Variants in GALNT16 observed in about 807,000 individuals in gnomAD.
The protein encoded by GALNT16 is UDP-GalNAc:polypeptide N-acetylgalactosaminyltransferase-like protein 1.
In GALNT16, 40 loss-of-function variants were observed where a neutral mutation model predicts 76.1. The observed-to-expected ratio is 0.53, with a 90% CI of 0.41 to 0.68. The LOEUF (loss-of-function observed/expected upper bound fraction) is 0.68. GALNT16 is among the 30% of genes least tolerant of loss of function. The probability of loss-of-function intolerance (pLI) is 0.00; values close to 1 mark genes in which losing one functional copy is unlikely to be tolerated. For synonymous variants in GALNT16, 276 were observed against 285.2 expected, an observed-to-expected ratio of 0.97 and a Z score of 0.32; for missense variants, 621 against 731.9, an observed-to-expected ratio of 0.85 and a Z score of 1.75.
At chr14:69,275,856 G>A (rs1406858926) in intron 1 of GALNT16, among the ~76,000 whole-genome samples, 1 of 152,162 alleles carries the variant, frequency 6.6e-6, no homozygotes, top group African/African-American at 2.4e-5. Context: ...AGTGAGACAT[G>A]TATTAGTCCG....
the GALNT16 span, among the ~76,000 whole-genome samples, chr14:69,370,862 A>G: frequency 6.6e-6 from 1 of 152,206 alleles, no homozygotes; most frequent in Admixed American, 6.5e-5. Flanking sequence ...TCCATCTCCA[A>G]CAGGAACAGT....
intron 4 of GALNT16, 36 bp from the exon 5 acceptor site, chr14:69,325,926 G>T (rs2045277357): frequency 6.4e-7 from 1 of 1,569,856 alleles, no homozygotes; most frequent in Non-Finnish European, 8.8e-7. Flanking sequence ...TGATGCCCAT[G>T]TCTAAATGAG....
chr14:69,320,045 A>C (rs1247636415), intron 1 of GALNT16, among the ~76,000 whole-genome samples: 1 of 152,174 alleles, frequency 6.6e-6, no homozygotes, highest in Non-Finnish European at 1.5e-5. Context: ...TAGTCCCCTC[A>C]GGACACCTTG....
downstream of GALNT16, chr14:69,357,498 C>G (rs1414508788): frequency 6.6e-6 from 1 of 152,304 alleles, no homozygotes; most frequent in African/African-American, 2.4e-5. Context: ...CCCCAACAGA[C>G]ACAGCCTGTG....
chr14:69,304,846 A>G (rs2044908554), intron 1 of GALNT16, among the ~76,000 whole-genome samples: 1 of 152,188 alleles, frequency 6.6e-6, no homozygotes, highest in Admixed American at 6.5e-5. Context: ...TGCATCTACC[A>G]CATTTTCTTT....
intron 11 of GALNT16, among the ~76,000 whole-genome samples, chr14:69,340,983 A>T (rs930607716): frequency 1.3e-5 from 2 of 152,216 alleles, no homozygotes; most frequent in African/African-American, 4.8e-5. Context: ...CTATTTATTC[A>T]TATCTATCTC....
At chr14:69,338,587 C>T in intron 9 of GALNT16, 64 bp from the exon 10 acceptor site, 1 of 1,590,304 alleles carries the variant, frequency 6.3e-7, no homozygotes, top group Admixed American at 1.7e-5. Flanking sequence ...GGGAAGCCAG[C>T]CCCTTCCCAC....
chr14:69,286,542 A>C (rs2044614761), intron 1 of GALNT16, among the ~76,000 whole-genome samples: 1 of 152,084 alleles, frequency 6.6e-6, no homozygotes, highest in African/African-American at 2.4e-5. Context: ...GACCTCAGGC[A>C]ATCTGCCTGC....
At position 69,328,505 on chromosome 14, in the gene GALNT16, C is replaced by G; in HGVS notation, c.624C>G (p.Thr208=). 1 of 1,613,968 alleles carries G rather than the reference C, an allele frequency of 6.2e-7. No individual in the cohort carries two copies. The highest frequency in any genetic ancestry group is 8.5e-7 in the Non-Finnish European group (1 of 1,179,940). ...GADVAAATVL[T]FLDSHCEVNT... ...ACGTGGCTGCAGCTACCGTTCTCACCTTTCTGGATAGCCACTGCGAAGTGA... is the reference window on the plus strand; with the variant it reads ...ACGTGGCTGCAGCTACCGTTCTCACGTTTCTGGATAGCCACTGCGAAGTGA... Residue 208 remains threonine (T), a synonymous_variant, in exon 6 of 15, where the codon ACC becomes ACG. Transcript: ENST00000448469.
At chr14:69,346,788 C>T (rs531764733) in intron 12 of GALNT16, among the ~76,000 whole-genome samples, 1 of 152,312 alleles carries the variant, frequency 6.6e-6, no homozygotes, top group Admixed American at 6.5e-5. Context: ...GCTCCCCCAT[C>T]CTCTATGTCT....
At chr14:69,297,468 T>C (rs1468064055) in intron 1 of GALNT16, among the ~76,000 whole-genome samples, 1 of 152,228 alleles carries the variant, frequency 6.6e-6, no homozygotes, top group Non-Finnish European at 1.5e-5. Context: ...TTAAGGTTTT[T>C]AAAAATAACA....
intron 1 of GALNT16, among the ~76,000 whole-genome samples, chr14:69,304,592 T>A (rs2044904874): frequency 6.6e-6 from 1 of 152,178 alleles, no homozygotes. Context: ...TCACACCTGT[T>A]GATTAGTAAT....
At chr14:69,345,722 G>C (rs932219598) in intron 12 of GALNT16, among the ~76,000 whole-genome samples, 1 of 151,744 alleles carries the variant, frequency 6.6e-6, no homozygotes, top group African/African-American at 2.4e-5. Flanking sequence ...GTGTGTGTGT[G>C]TGTGTGTGTG....
chr14:69,310,718 T>A (rs2045006104), intron 1 of GALNT16, among the ~76,000 whole-genome samples: 2 of 152,202 alleles, frequency 1.3e-5, no homozygotes, highest in Admixed American at 1.3e-4. Context: ...ACTGCCTTTA[T>A]GGCATCCCAG....
intron 11 of GALNT16, among the ~76,000 whole-genome samples, chr14:69,340,806 T>C (rs1566887621): frequency 6.6e-6 from 1 of 152,146 alleles, no homozygotes; most frequent in Admixed American, 6.5e-5. Flanking sequence ...TCCTAAGTAT[T>C]TTTGATCCAA....
Position 69,331,446 on chromosome 14 carries a change from C to T in GALNT16, c.691-18C>T. 6.8e-7 allele frequency: 1 copy of T among 1,461,748 alleles called. No homozygotes were observed. Among genetic ancestry groups the T allele is most frequent in the Non-Finnish European group, 9.6e-7 (1 of 1,041,374 alleles). The allele number at this position is 1,461,748 out of a possible 1,614,324, so 90.5% of individuals were successfully genotyped here. On this transcript the variant is annotated intron_variant, in intron 6 of 14. Transcript: ENST00000448469. ...AGAGAAGTCCCAGGCCTCACACCAT[C>T]TCACATCTCTCTCCTAGGACCACAC...
chr14:69,312,482 C>G (rs2045042141), intron 1 of GALNT16, among the ~76,000 whole-genome samples: 1 of 152,124 alleles, frequency 6.6e-6, no homozygotes, highest in South Asian at 2.1e-4. Context: ...TCCTTTTCCT[C>G]AGCCATAGAG....
intron 1 of GALNT16, among the ~76,000 whole-genome samples, chr14:69,270,557 G>C (rs2044394550): frequency 6.6e-6 from 1 of 152,306 alleles, no homozygotes; most frequent in South Asian, 2.1e-4. Context: ...CTGTATGGGA[G>C]GGCTTCTGAT....
Position 69,260,243 on chromosome 14 carries a change from G to C in GALNT16, c.-48G>C, listed in dbSNP as rs769715437. ...CTGCGAGCGCCCCCGCCCCGGCCCC[G>C]AGAGCACGCCGGCCCAGTCCCCCAC... On this transcript the variant is annotated 5_prime_UTR_variant, in exon 1 of 15. Transcript: ENST00000448469. The C allele has an allele frequency of 2.2e-6, 3 of 1,379,462 alleles. No individual in the cohort carries two copies. The allele number at this position is 1,379,462 out of a possible 1,614,324, so 85.5% of individuals were successfully genotyped here. A position where few individuals can be genotyped will look rare whatever the true frequency, so the allele number is the denominator to read the frequency against.
Sources: allele counts gnomAD v4.1 joint callset (sites outside exome capture counted in the v4.1 genomes callset), GRCh38; gene constraint gnomAD v4.1.1; transcripts MANE v1.5; gene names NCBI Gene and HGNC (gene_info 2026-07-23, HGNC 2026-07-21).